The following BMP2K variants were observed in gnomAD, a reference collection of about 807,000 sequenced individuals.
BMP2K encodes the protein BMP2 inducible kinase.
Under a neutral mutation model 116.0 loss-of-function variants are expected in BMP2K, and 74 were observed. That is an observed-to-expected ratio of 0.64 (90% confidence interval 0.53 to 0.77). The LOEUF is 0.77. BMP2K is among the 30% of genes least tolerant of loss of function. The pLI, the probability that BMP2K is intolerant of heterozygous loss-of-function variation, is 0.00. For synonymous variants in BMP2K, 486 were observed against 502.5 expected (o/e 0.97, Z 0.44); for missense variants, 1,365 against 1,403.6 (o/e 0.97, Z 0.44).
At chr4:78,833,767 G>A (rs553407869) in intron 3 of BMP2K, 80 bp downstream of exon 3, 12 of 882,054 alleles carry the variant, frequency 1.4e-5, no homozygotes, top group African/African-American at 3.4e-5. Context: ...TATTTCCAGG[G>A]TAGCTGCTAA....
chr4:78,794,965 TGTTTA>T (rs1464172946), intron 1 of BMP2K, among the ~76,000 whole-genome samples: 5 of 152,226 alleles, frequency 3.3e-5, no homozygotes, highest in African/African-American at 4.8e-5. Context: ...AGTGTTTGCC[TGTTTA>T]GTTTGAATAG....
At chr4:78,785,607 A>G (rs1244547415) in intron 1 of BMP2K, among the ~76,000 whole-genome samples, 3 of 152,156 alleles carry the variant, frequency 2.0e-5, no homozygotes, top group African/African-American at 7.2e-5. Context: ...TGCACAATAT[A>G]TGTATTTTAG....
chr4:78,777,012 T>A (rs375410586), intron 1 of BMP2K, among the ~76,000 whole-genome samples: 2 of 152,122 alleles, frequency 1.3e-5, no homozygotes, highest in East Asian at 3.9e-4. Context: ...GGGTTGGTGT[T>A]ACGATTGGGC....
At chr4:78,867,944 C>T (rs1732136061) in intron 10 of BMP2K, among the ~76,000 whole-genome samples, 1 of 152,146 alleles carries the variant, frequency 6.6e-6, no homozygotes, top group Non-Finnish European at 1.5e-5. Flanking sequence ...CCTGTAATCC[C>T]AGCTACTTGG....
intron 14 of BMP2K, chr4:78,879,845 A>G (rs778089120): frequency 4.6e-5 from 7 of 152,236 alleles, no homozygotes; most frequent in Non-Finnish European, 1.0e-4. Context: ...TCCTGTAAGA[A>G]TAGTTTGGGA....
In BMP2K at chr4:78,867,519, G is replaced by A. The variant is rs529177462; in HGVS notation, c.1231+1799G>A. Among the ~76,000 whole-genome samples, 14 of 152,056 alleles carry A rather than the reference G, an allele frequency of 9.2e-5. No individual in the cohort carries two copies. In the South Asian group the frequency reaches 1.7e-3, roughly 18 times the overall value. Reference sequence around the variant, plus strand: ...TCAGCTTAAGTTGGAAAAATGTTCCGCTTTTTCCCCCAATAAGTGCATTTT... The same window carrying A: ...TCAGCTTAAGTTGGAAAAATGTTCCACTTTTTCCCCCAATAAGTGCATTTT... On this transcript the variant is annotated intron_variant, in intron 10 of 15. Coordinates refer to ENST00000502613, the MANE Select transcript of BMP2K (RefSeq NM_198892.2).
chr4:78,783,433 A>C (rs1727599095), intron 1 of BMP2K, among the ~76,000 whole-genome samples: 1 of 152,188 alleles, frequency 6.6e-6, no homozygotes, highest in African/African-American at 2.4e-5. Context: ...AGCTACTGAC[A>C]CTAAAACAAT....
In BMP2K at chr4:78,829,402, GT is replaced by G. The variant is rs79345386; in HGVS notation, c.297+3262del. Among the ~76,000 whole-genome samples the G allele has an allele frequency of 4.2e-3, 556 of 133,842 alleles. 2 individuals are homozygous for G. Among genetic ancestry groups the G allele is most frequent in the African/African-American group, 0.011 (425 of 38,754 alleles). 87.8% of individuals were successfully genotyped at this position (133,842 alleles called of 152,430 possible). On this transcript the variant is annotated intron_variant, in intron 2 of 15. Coordinates refer to ENST00000502613, the MANE Select transcript of BMP2K (RefSeq NM_198892.2). ...AGGCTCCACTTAATTATAGTTTTTT[GT>G]TTTTTTTTTTTTTTCTGTTTCTACC...
chr4:78,908,200 G>C (rs1429914916), intron 15 of BMP2K, among the ~76,000 whole-genome samples: 2 of 152,122 alleles, frequency 1.3e-5, no homozygotes, highest in Non-Finnish European at 2.9e-5. Context: ...TAACCTGGTG[G>C]TATTCTTCAC....
intron 1 of BMP2K, among the ~76,000 whole-genome samples, chr4:78,815,884 G>A (rs537749484): frequency 8.3e-4 from 126 of 152,222 alleles, no homozygotes; most frequent in African/African-American, 2.9e-3. Context: ...TTTCATGGAG[G>A]ATGGAAACTT....
intron 2 of BMP2K, among the ~76,000 whole-genome samples, chr4:78,831,829 C>G (rs1044184525): frequency 1.3e-5 from 2 of 152,282 alleles, no homozygotes; most frequent in Admixed American, 1.3e-4. Flanking sequence ...TACATATGCT[C>G]AGTGCTCTGG....
intron 15 of BMP2K, among the ~76,000 whole-genome samples, chr4:78,908,259 G>A (rs1734385951): frequency 6.6e-6 from 1 of 152,104 alleles, no homozygotes. Flanking sequence ...TGTCAACATT[G>A]CCAACAAACT....
chr4:78,838,563 T>C (rs913156402), intron 3 of BMP2K, among the ~76,000 whole-genome samples: 1 of 152,160 alleles, frequency 6.6e-6, no homozygotes, highest in Non-Finnish European at 1.5e-5. Flanking sequence ...GGGGAGAGAT[T>C]TGGAAGGGCA....
At chr4:78,829,566 A>C (rs914450559) in intron 2 of BMP2K, among the ~76,000 whole-genome samples, 1 of 152,022 alleles carries the variant, frequency 6.6e-6, no homozygotes, top group African/African-American at 2.4e-5. Flanking sequence ...TTTTAATGGC[A>C]TCTAGAATGG....
chr4:78,851,152 A>G, intron 7 of BMP2K, 96 bp downstream of exon 7: 1 of 1,246,740 alleles, frequency 8.0e-7, no homozygotes, highest in Non-Finnish European at 1.1e-6. Flanking sequence ...TTAATTTCAT[A>G]TATGAAAATT....
chr4:78,840,380 C>G (rs1236769307), intron 3 of BMP2K, among the ~76,000 whole-genome samples: 1 of 152,078 alleles, frequency 6.6e-6, no homozygotes, highest in Non-Finnish European at 1.5e-5. Context: ...GTAGCCATTG[C>G]CGGCTCAAAT....
At chr4:78,907,041 AGTGCATGAATCATG>A (rs1734321467) in intron 15 of BMP2K, among the ~76,000 whole-genome samples, 1 of 152,180 alleles carries the variant, frequency 6.6e-6, no homozygotes, top group Admixed American at 6.6e-5. Context: ...TGAAGGAAAA[AGTGCATGAATCATG>A]GTTGTATCTA....
In BMP2K at chr4:78,911,926, C is replaced by A. The variant is rs771720782; in HGVS notation, c.3379C>A (p.Pro1127Thr). 1 of 1,613,968 alleles carries A rather than the reference C, an allele frequency of 6.2e-7. No individual in the cohort carries two copies. Among genetic ancestry groups the A allele is most frequent in the East Asian group, 2.2e-5 (1 of 44,874 alleles). ...VLKMDDFGAV[P>T]FTELVVQSIT... ...GAAAATGGATGATTTTGGTGCCGTG[C>A]CCTTTACAGAACTTGTGGTGCAAAG... The change falls in exon 16 of 16, where the codon CCC (proline) becomes ACC (threonine). Residue 1127 changes from proline (P) to threonine (T), a missense_variant. By Grantham distance (38) the Pro-to-Thr change is conservative (BLOSUM62 -1). Coordinates refer to ENST00000502613, the MANE Select transcript of BMP2K (RefSeq NM_198892.2).
At chr4:78,784,843 C>CAAGAAAAA (rs202027853) in intron 1 of BMP2K, among the ~76,000 whole-genome samples, 2,048 of 152,180 alleles carry the variant, frequency 0.013, 49 homozygotes, top group African/African-American at 0.045. Flanking sequence ...TCAGTTTCCT[C>CAAGAAAAA]AAGAAAAAAA....
Sources: allele counts gnomAD v4.1 joint callset (sites outside exome capture counted in the v4.1 genomes callset), GRCh38; gene constraint gnomAD v4.1.1; transcripts MANE v1.5; gene names NCBI Gene and HGNC (gene_info 2026-07-23, HGNC 2026-07-21).